Variants in TCEANC2 observed in about 807,000 individuals in gnomAD.
TCEANC2 encodes transcription elongation factor A N-terminal and central domain-containing protein 2.
In TCEANC2, 20 loss-of-function variants were observed where a neutral mutation model predicts 22.8. The observed-to-expected ratio is 0.88, with a 90% CI of 0.62 to 1.28. The LOEUF (loss-of-function observed/expected upper bound fraction) is 1.28. Ranked by LOEUF, TCEANC2 falls within the 50% of genes most tolerant of loss-of-function variation. TCEANC2 has a pLI of 0.00. For missense variants in TCEANC2, 251 were observed against 249.7 expected (o/e 1.01, Z -0.03); for synonymous variants, 84 against 95.5 (o/e 0.88, Z 0.70).
rs572817904 is a variant in TCEANC2 at position 54,101,532 on chromosome 1, C to A, written c.*5059C>A. On this transcript the variant is annotated 3_prime_UTR_variant, in exon 5 of 5. Transcript: ENST00000234827. ...TCAATACATATTTGTTGAGTTCTTA[C>A]GTGTCAGGTATTAGGGTCACAGGGA... The A allele has an allele frequency of 6.6e-6, 1 of 152,126 alleles. No individual in the cohort carries two copies. Among genetic ancestry groups the A allele is most frequent in the Non-Finnish European group, 1.5e-5 (1 of 68,028 alleles). 9.4% of individuals were successfully genotyped at this position (152,126 alleles called of 1,614,324 possible). A position where few individuals can be genotyped will look rare whatever the true frequency, so the allele number is the denominator to read the frequency against.
chr1:54,096,518 G>A lies in TCEANC2; in HGVS notation c.*45G>A. On this transcript the variant is annotated 3_prime_UTR_variant, in exon 5 of 5. Coordinates refer to ENST00000234827, the MANE Select transcript of TCEANC2 (RefSeq NM_153035.3). The surrounding 1 kb of genome is among the most constrained non-coding windows in gnomAD (Gnocchi z 4.9). ...CTGGGCCAGGCAGAGAGGAAAATGGGCCTGTCTCTGCCGTTCAAAGACGCT... is the reference window on the plus strand; with the variant it reads ...CTGGGCCAGGCAGAGAGGAAAATGGACCTGTCTCTGCCGTTCAAAGACGCT... The A allele has an allele frequency of 6.4e-7, 1 of 1,554,324 alleles. No individual in the cohort carries two copies. Among genetic ancestry groups the A allele is most frequent in the Non-Finnish European group, 8.8e-7 (1 of 1,142,050 alleles).
At chr1:54,056,061 T>C (rs558553777) in intron 2 of TCEANC2, among the ~76,000 whole-genome samples, 7 of 152,346 alleles carry the variant, frequency 4.6e-5, no homozygotes, top group African/African-American at 1.4e-4. Flanking sequence ...CAGCACTTGA[T>C]TGAGCCCTAC....
Position 54,084,670 on chromosome 1 carries a change from T to G in TCEANC2, c.245-3927T>G, listed in dbSNP as rs535427929. ...TGAGGTCAGGAGTTCGAGACCAGCC[T>G]GGCCAACATGGCAAAACCCCGTCTC... is the stretch of plus-strand genomic sequence containing the variant. On this transcript the variant is annotated intron_variant, in intron 3 of 4. Coordinates refer to ENST00000234827, the MANE Select transcript of TCEANC2 (RefSeq NM_153035.3). Among the ~76,000 whole-genome samples the G allele has an allele frequency of 3.9e-5, 6 of 152,164 alleles. No homozygotes were observed. In the East Asian group the frequency reaches 1.2e-3, roughly 30 times the overall value.
chr1:54,061,974 A>G (rs12126324), intron 2 of TCEANC2, among the ~76,000 whole-genome samples: 21,257 of 152,178 alleles, frequency 0.14, 2,037 homozygotes, highest in Non-Finnish European at 0.21. Flanking sequence ...AGAGGAAGTG[A>G]TTTCTTCTGT....
chr1:54,074,693 G>T (rs1048790442), intron 3 of TCEANC2, among the ~76,000 whole-genome samples: 1 of 152,028 alleles, frequency 6.6e-6, no homozygotes, highest in Non-Finnish European at 1.5e-5. Flanking sequence ...CTTGTCAAAG[G>T]GCCAAATAAG....
rs1557696477 is a variant in TCEANC2 at position 54,100,464 on chromosome 1, A to G, written c.*3991A>G. ...AGACACATAACTAAATAAATAGAGTATAGCATATTGGGTGATAACTATAGA... is the reference window on the plus strand; with the variant it reads ...AGACACATAACTAAATAAATAGAGTGTAGCATATTGGGTGATAACTATAGA... On this transcript the variant is annotated 3_prime_UTR_variant, in exon 5 of 5. Transcript: ENST00000234827. 6.6e-6 allele frequency: 1 copy of G among 152,228 alleles called. No individual in the cohort carries two copies. The highest frequency in any genetic ancestry group is 1.5e-5 in the Non-Finnish European group (1 of 68,056). The allele number at this position is 152,228 out of a possible 1,614,324, so 9.4% of individuals were successfully genotyped here. A position where few individuals can be genotyped will look rare whatever the true frequency, so the allele number is the denominator to read the frequency against.
At chr1:54,065,322 G>A (rs1657933247) in intron 2 of TCEANC2, among the ~76,000 whole-genome samples, 3 of 152,176 alleles carry the variant, frequency 2.0e-5, no homozygotes, top group Admixed American at 2.0e-4. Context: ...AAAGAGAAAA[G>A]TACATAAGGG....
At chr1:54,060,425 C>T (rs866284631) in intron 2 of TCEANC2, among the ~76,000 whole-genome samples, 16 of 151,124 alleles carry the variant, frequency 1.1e-4, no homozygotes, top group Middle Eastern at 6.8e-3. Context: ...AAAAATTAGC[C>T]GGGCGTGGTG....
At chr1:54,054,845 T>C (rs977077455) in intron 2 of TCEANC2, among the ~76,000 whole-genome samples, 1 of 152,236 alleles carries the variant, frequency 6.6e-6, no homozygotes, top group Non-Finnish European at 1.5e-5. Context: ...TCTATATACC[T>C]ACCCTGTACA....
intron 3 of TCEANC2, among the ~76,000 whole-genome samples, chr1:54,081,225 A>C (rs576590454): frequency 6.6e-6 from 1 of 152,216 alleles, no homozygotes; most frequent in South Asian, 2.1e-4. Context: ...AGCTGTTATT[A>C]TGATTATTTT....
At chr1:54,094,401 CAT>C (rs1426479123) in intron 4 of TCEANC2, among the ~76,000 whole-genome samples, 2 of 152,166 alleles carry the variant, frequency 1.3e-5, no homozygotes, top group Non-Finnish European at 2.9e-5. Context: ...GAAGAACAAA[CAT>C]ATATGTACAG....
At chr1:54,081,421 A>T (rs1396769485) in intron 3 of TCEANC2, among the ~76,000 whole-genome samples, 1 of 151,954 alleles carries the variant, frequency 6.6e-6, no homozygotes. Flanking sequence ...ATTTATTTAA[A>T]TTTTTTGTAG....
In TCEANC2 at chr1:54,068,811, A is replaced by T; in HGVS notation, c.158A>T (p.Asp53Val). The change falls in exon 3 of 5, where the codon GAT becomes GTT. Residue 53 changes from aspartate to valine, a missense_variant. Physicochemically the swap from Asp to Val is radical, Grantham distance 152. Coordinates refer to ENST00000234827, the MANE Select transcript of TCEANC2 (RefSeq NM_153035.3). ...KRWKTMLELP[D>V]QTKENLVEAL... ...TGGAAAACTATGCTGGAGCTTCCTG[A>T]TCAAACCAAAGAGAATCTTGTTGAA... is the stretch of plus-strand genomic sequence containing the variant. The T allele has an allele frequency of 6.2e-7, 1 of 1,612,770 alleles. No individual in the cohort carries two copies. Among genetic ancestry groups the T allele is most frequent in the Non-Finnish European group, 8.5e-7 (1 of 1,179,564 alleles).
chr1:54,054,286 G>T (rs890678652), intron 1 of TCEANC2, 95 bp from the exon 2 acceptor site: 11 of 1,462,326 alleles, frequency 7.5e-6, no homozygotes, highest in Non-Finnish European at 1.0e-5. Context: ...CATAATTCAT[G>T]AATTCTTCCA....
rs1199639002 is a variant in TCEANC2 at position 54,064,745 on chromosome 1, G to A, written c.103-4011G>A. Among the ~76,000 whole-genome samples the A allele has an allele frequency of 5.6e-5, 8 of 142,568 alleles. No individual in the cohort carries two copies. In the South Asian group the frequency reaches 1.8e-3, roughly 31 times the overall value. 93.5% of individuals were successfully genotyped at this position (142,568 alleles called of 152,430 possible). A position where few individuals can be genotyped will look rare whatever the true frequency, so the allele number is the denominator to read the frequency against. ...GACGGAGTCTCACTGTGTCACCTAGGCTGGAGTGCAGTGGTGCGATCTCGG... is the reference window on the plus strand; with the variant it reads ...GACGGAGTCTCACTGTGTCACCTAGACTGGAGTGCAGTGGTGCGATCTCGG... On this transcript the variant is annotated intron_variant, in intron 2 of 4. Coordinates refer to ENST00000234827, the MANE Select transcript of TCEANC2 (RefSeq NM_153035.3).
In TCEANC2 at chr1:54,101,143, G is replaced by C. The variant is rs1440508070; in HGVS notation, c.*4670G>C. On this transcript the variant is annotated 3_prime_UTR_variant, in exon 5 of 5. Transcript: ENST00000234827. The stretch of plus-strand genomic sequence containing the variant: ...TCTTAAACTTGTGCCTGTCAACCTT[G>C]GTTTTCTTTTGCTGTAGCCTCAGGC... 1 of 152,086 alleles carries C rather than the reference G, an allele frequency of 6.6e-6. No homozygotes were observed. The highest frequency in any genetic ancestry group is 1.5e-5 in the Non-Finnish European group (1 of 68,034). 9.4% of individuals were successfully genotyped at this position (152,086 alleles called of 1,614,324 possible).
rs145476394 is a variant in TCEANC2, at chr1:54,102,945, G to A, written c.*6472G>A. The A allele has an allele frequency of 2.0e-5, 3 of 152,506 alleles. No individual in the cohort carries two copies. In the East Asian group the frequency reaches 5.8e-4, roughly 29 times the overall value. 9.4% of individuals were successfully genotyped at this position (152,506 alleles called of 1,614,324 possible). A position where few individuals can be genotyped will look rare whatever the true frequency, so the allele number is the denominator to read the frequency against. ...GGAGCCTGAGCTTAGACTATACATG[G>A]ATCTCATGGGCAGTGGTGAATGGCT... On this transcript the variant is annotated 3_prime_UTR_variant, in exon 5 of 5. Coordinates refer to ENST00000234827, the MANE Select transcript of TCEANC2 (RefSeq NM_153035.3).
intron 3 of TCEANC2, among the ~76,000 whole-genome samples, chr1:54,081,646 C>T (rs1048980033): frequency 1.3e-5 from 2 of 151,780 alleles, no homozygotes; most frequent in African/African-American, 4.8e-5. Context: ...CCTTCTCTTT[C>T]TTGCCCCAGA....
At chr1:54,095,335 A>C (rs918078269) in intron 4 of TCEANC2, among the ~76,000 whole-genome samples, 13 of 151,962 alleles carry the variant, frequency 8.6e-5, no homozygotes, top group Non-Finnish European at 1.8e-4. Context: ...CTAAGGGAAC[A>C]TGTGCTGGTG....
Sources: gnomAD v4.1 joint callset for allele counts (sites outside exome capture counted in the v4.1 genomes callset) on GRCh38, gnomAD v4.1.1 for gene constraint, Gnocchi (gnomAD v3.1) non-coding constraint, MANE v1.5 for transcripts, NCBI Gene and HGNC (gene_info 2026-07-23, HGNC 2026-07-21) for gene names.